Variants in PDIA5 observed in about 807,000 individuals in gnomAD.
PDIA5 encodes the protein protein disulfide isomerase family A member 5.
In PDIA5, 58 loss-of-function variants were observed where a neutral mutation model predicts 77.6. The ratio of observed to expected loss-of-function variants is 0.75; its 90% CI spans 0.61 to 0.93. The LOEUF is 0.93. Ranked by LOEUF, PDIA5 falls within the 40% of genes least tolerant of loss-of-function variation. The pLI, the probability that PDIA5 is intolerant of heterozygous loss-of-function variation, is 0.00. For synonymous variants in PDIA5, 250 were observed against 252.1 expected (o/e 0.99, Z 0.08); for missense variants, 630 against 647.7 (o/e 0.97, Z 0.30).
chr3:123,067,240 A>G, intron 1 of PDIA5, 34 bp downstream of exon 1: 1 of 1,239,688 alleles, frequency 8.1e-7, no homozygotes, highest in Non-Finnish European at 1.0e-6. Flanking sequence ...GGGCCGGGCC[A>G]GCACGTGTGT....
intron 3 of PDIA5, among the ~76,000 whole-genome samples, chr3:123,099,127 A>T (rs1934519220): frequency 6.6e-6 from 1 of 152,250 alleles, no homozygotes; most frequent in Non-Finnish European, 1.5e-5. Context: ...GGAGGGGAGC[A>T]GTGCTGAGAG....
chr3:123,090,753 G>A (rs938234202), intron 2 of PDIA5, among the ~76,000 whole-genome samples: 1 of 152,086 alleles, frequency 6.6e-6, no homozygotes, highest in African/African-American at 2.4e-5. Flanking sequence ...GCGCTTGCAG[G>A]GCAGGAGGTA....
chr3:123,083,582 G>A (rs1934065563), intron 1 of PDIA5, among the ~76,000 whole-genome samples: 1 of 152,202 alleles, frequency 6.6e-6, no homozygotes, highest in African/African-American at 2.4e-5. Flanking sequence ...AATGTAAAGA[G>A]CCTGCCAAGC....
chr3:123,128,924 A>T lies in PDIA5; in HGVS notation c.774-1556A>T, dbSNP rs113042233. On this transcript the variant is annotated intron_variant, in intron 10 of 16. Coordinates refer to ENST00000316218, the MANE Select transcript of PDIA5 (RefSeq NM_006810.4). The stretch of plus-strand genomic sequence containing the variant: ...TCTCCCCCCTTTTAATGCAAAAGTT[A>T]GCAAATTCTAGACTGTTCCATCCAT... 7.5e-3 allele frequency among the ~76,000 whole-genome samples: 1,149 copies of T among 152,326 alleles called. 16 individuals carry two copies. The highest frequency in any genetic ancestry group is 0.027 in the African/African-American group (1,108 of 41,570).
intron 11 of PDIA5, among the ~76,000 whole-genome samples, chr3:123,142,031 A>G (rs1318043979): frequency 1.3e-5 from 2 of 152,322 alleles, no homozygotes; most frequent in South Asian, 2.1e-4. Flanking sequence ...CATGTGGAGT[A>G]TATGCATCAG....
At chr3:123,145,621 T>C (rs748205146) in intron 12 of PDIA5, 29 bp downstream of exon 12, 1 of 1,563,272 alleles carries the variant, frequency 6.4e-7, no homozygotes, top group Non-Finnish European at 8.8e-7. Context: ...CCCCTCACCG[T>C]TCTCTTTGAA....
intron 15 of PDIA5, among the ~76,000 whole-genome samples, chr3:123,158,734 A>G (rs1576469329): frequency 6.6e-6 from 1 of 152,236 alleles, no homozygotes; most frequent in Admixed American, 6.5e-5. Context: ...GTGGCAGGAC[A>G]CCAGCAGCGT....
chr3:123,146,999 C>T (rs891600876), intron 13 of PDIA5, among the ~76,000 whole-genome samples: 7 of 151,878 alleles, frequency 4.6e-5, no homozygotes, highest in Admixed American at 1.3e-4. Context: ...TTAGTAGAGA[C>T]GGGGTTTCAC....
At chr3:123,132,495 C>T (rs1347254626) in intron 11 of PDIA5, among the ~76,000 whole-genome samples, 2 of 152,246 alleles carry the variant, frequency 1.3e-5, no homozygotes, top group African/African-American at 4.8e-5. Context: ...GCCCCCAAAA[C>T]TAAGTTTCAA....
intron 15 of PDIA5, among the ~76,000 whole-genome samples, chr3:123,155,691 C>T (rs1243505030): frequency 6.6e-6 from 1 of 152,216 alleles, no homozygotes; most frequent in Non-Finnish European, 1.5e-5. Flanking sequence ...CCAGGCGGAG[C>T]ACTGGTGCAG....
chr3:123,116,768 G>T (rs1275675328), intron 8 of PDIA5, among the ~76,000 whole-genome samples: 4 of 152,202 alleles, frequency 2.6e-5, no homozygotes, highest in African/African-American at 9.7e-5. Flanking sequence ...TGTGGTTCCT[G>T]TGGGGCGGGA....
At chr3:123,139,143 C>T (rs1445105877) in intron 11 of PDIA5, among the ~76,000 whole-genome samples, 1 of 152,154 alleles carries the variant, frequency 6.6e-6, no homozygotes, top group Non-Finnish European at 1.5e-5. Flanking sequence ...AAAAGCCCAA[C>T]AAGGAAGTTT....
Position 123,097,338 on chromosome 3 carries a change from G to T in PDIA5, c.257+4896G>T, listed in dbSNP as rs561188332. Among the ~76,000 whole-genome samples, 197 of 152,186 alleles carry T rather than the reference G, an allele frequency of 1.3e-3. 1 individual carries two copies. The highest frequency in any genetic ancestry group is 4.6e-3 in the African/African-American group (190 of 41,518). ...GCAGAGACTTAGAATTGCTGGGCTGGGAGGGCAGCGGAGGGGAGGCACCTT... is the reference window on the plus strand; with the variant it reads ...GCAGAGACTTAGAATTGCTGGGCTGTGAGGGCAGCGGAGGGGAGGCACCTT... On this transcript the variant is annotated intron_variant, in intron 3 of 16. Transcript: ENST00000316218.
At chr3:123,147,764 C>T (rs1338634710) in intron 13 of PDIA5, among the ~76,000 whole-genome samples, 1 of 152,208 alleles carries the variant, frequency 6.6e-6, no homozygotes, top group African/African-American at 2.4e-5. Flanking sequence ...CCCCTCAAGG[C>T]CTTCTGGTGT....
intron 3 of PDIA5, among the ~76,000 whole-genome samples, chr3:123,098,563 G>C (rs1434996520): frequency 6.6e-6 from 1 of 152,198 alleles, no homozygotes. Context: ...GTCTGTCTGG[G>C]TGTGGGGGTG....
At chr3:123,159,013 T>C (rs1936087542) in intron 15 of PDIA5, among the ~76,000 whole-genome samples, 2 of 152,258 alleles carry the variant, frequency 1.3e-5, no homozygotes, top group South Asian at 4.1e-4. Flanking sequence ...TGTGTGCGGC[T>C]GGCAGCTAGT....
chr3:123,161,283 G>T, intron 15 of PDIA5, 38 bp from the exon 16 acceptor site: 2 of 1,605,082 alleles, frequency 1.2e-6, no homozygotes, highest in Non-Finnish European at 1.7e-6. Context: ...CTCAGCCTGG[G>T]GACACCCTGT....
At chr3:123,124,819 G>C (rs143951649) in intron 10 of PDIA5, among the ~76,000 whole-genome samples, 7 of 152,324 alleles carry the variant, frequency 4.6e-5, no homozygotes, top group African/African-American at 4.8e-5. Flanking sequence ...AGAATTGTCA[G>C]TTGAACACTT....
chr3:123,116,373 TG>T, intron 8 of PDIA5, 75 bp downstream of exon 8: 1 of 1,044,850 alleles, frequency 9.6e-7, no homozygotes, highest in South Asian at 1.3e-5. Flanking sequence ...AGGGGTGGGG[TG>T]GGGACAGGTT....
Sources: gnomAD v4.1 joint callset for allele counts (sites outside exome capture counted in the v4.1 genomes callset) on GRCh38, gnomAD v4.1.1 for gene constraint, MANE v1.5 for transcripts, NCBI Gene and HGNC (gene_info 2026-07-23, HGNC 2026-07-21) for gene names.